NUCKS1: variants seen among roughly 807,000 people sequenced by gnomAD.
The protein encoded by NUCKS1 is nuclear casein kinase and cyclin dependent kinase substrate 1, also known as nuclear ubiquitous casein and cyclin-dependent kinase substrate 1.
In NUCKS1, 2 loss-of-function variants were observed where a neutral mutation model predicts 33.0. That is an observed-to-expected ratio of 0.06 (90% CI 0.02 to 0.19). The LOEUF is 0.19. Ranked by LOEUF, NUCKS1 falls within the 10% of genes least tolerant of loss-of-function variation. NUCKS1 has a pLI of 1.00. For synonymous variants in NUCKS1, 106 were observed against 102.8 expected (o/e 1.03, Z -0.19); for missense variants, 201 against 293.6 (o/e 0.68, Z 2.31).
rs1294224966 is a variant in NUCKS1, at chr1:205,716,705, T to C, written c.*1575A>G. On this transcript the variant is annotated 3_prime_UTR_variant, in exon 7 of 7. Transcript: ENST00000367142. ...AAAAGGCAGGAAAAAAAGGCAGAAG[T>C]TTAAATTTCACTAATTTTTCAATTT... The C allele has an allele frequency of 1.3e-5, 2 of 152,200 alleles. No homozygotes were observed. The highest frequency in any genetic ancestry group is 4.8e-5 in the African/African-American group (2 of 41,456). The allele number at this position is 152,200 out of a possible 1,614,324, so 9.4% of individuals were successfully genotyped here.
intron 1 of NUCKS1, among the ~76,000 whole-genome samples, chr1:205,741,751 A>G (rs373570347): frequency 3.9e-5 from 6 of 152,332 alleles, no homozygotes; most frequent in Admixed American, 2.6e-4. Context: ...AAAGGGATCA[A>G]TATCAGGTCT....
At chr1:205,728,995 G>T (rs1653844287) in intron 2 of NUCKS1, among the ~76,000 whole-genome samples, 1 of 151,834 alleles carries the variant, frequency 6.6e-6, no homozygotes, top group African/African-American at 2.4e-5. Context: ...TTGAGACAGG[G>T]TCTCTTTCTG....
chr1:205,726,360 AAAC>A (rs1005454391), intron 3 of NUCKS1, among the ~76,000 whole-genome samples: 6 of 152,206 alleles, frequency 3.9e-5, no homozygotes, highest in Admixed American at 2.6e-4. Flanking sequence ...TATTAAAAAC[AAAC>A]AACAACAACT....
intron 3 of NUCKS1, 82 bp from the exon 4 acceptor site, chr1:205,724,063 G>T (rs1301922791): frequency 5.0e-6 from 5 of 1,004,616 alleles, no homozygotes; most frequent in Non-Finnish European, 6.4e-6. Context: ...TTTCTGACTT[G>T]AGAAGAAGTG....
intron 3 of NUCKS1, among the ~76,000 whole-genome samples, chr1:205,726,782 T>C (rs899595923): frequency 2.4e-4 from 36 of 152,340 alleles, no homozygotes; most frequent in African/African-American, 8.2e-4. Context: ...AATTAAATGA[T>C]AGTGTACGTA....
Position 205,717,644 on chromosome 1 carries a change from C to T in NUCKS1, c.*636G>A, listed in dbSNP as rs1195083268. The T allele has an allele frequency of 2.0e-6, 2 of 984,996 alleles. No homozygotes were observed. The highest frequency in any genetic ancestry group is 2.4e-6 in the Non-Finnish European group (2 of 829,860). The allele number at this position is 984,996 out of a possible 1,614,324, so 61.0% of individuals were successfully genotyped here. On this transcript the variant is annotated 3_prime_UTR_variant, in exon 7 of 7. Transcript: ENST00000367142. ...GTAACCCCATTGCCCACCCTCCCTA[C>T]AAGGTAAAAAATGAGTACTTTTAGT...
intron 6 of NUCKS1, 27 bp downstream of exon 6, chr1:205,719,500 A>G (rs1273940081): frequency 6.4e-7 from 1 of 1,572,214 alleles, no homozygotes; most frequent in Non-Finnish European, 8.6e-7. Flanking sequence ...AAAGCAGTAA[A>G]TTTAATTTCA....
Position 205,718,321 on chromosome 1 carries a change from C to T in NUCKS1, c.691G>A (p.Asp231Asn), listed in dbSNP as rs1194487490. ...STSPPPEKSG[D>N]EGSEDEAPSG... The stretch of plus-strand genomic sequence containing the variant: ...GGGGCTTCATCTTCAGACCCTTCAT[C>T]CCCAGATTTCTCGGGTGGGGGGCTT... The change falls in exon 7 of 7, where the codon GAT becomes AAT. Residue 231 changes from aspartate (D) to asparagine (N), a missense_variant. Coordinates refer to ENST00000367142, the MANE Select transcript of NUCKS1 (RefSeq NM_022731.5). The T allele has an allele frequency of 6.2e-7, 1 of 1,613,076 alleles. No individual in the cohort carries two copies.
rs938259973 is a variant in NUCKS1, at chr1:205,718,041, G to C, written c.*239C>G. On this transcript the variant is annotated 3_prime_UTR_variant, in exon 7 of 7. Coordinates refer to ENST00000367142, the MANE Select transcript of NUCKS1 (RefSeq NM_022731.5). ...GGGAGGGCTGGCAAAGAGACCAATA[G>C]ACAAAAAGGTAACTTAAACACTTAC... 9.0e-7 allele frequency: 1 copy of C among 1,108,440 alleles called. No individual in the cohort carries two copies. Among genetic ancestry groups the C allele is most frequent in the African/African-American group, 1.9e-5 (1 of 51,344 alleles). The allele number at this position is 1,108,440 out of a possible 1,614,324, so 68.7% of individuals were successfully genotyped here. A position where few individuals can be genotyped will look rare whatever the true frequency, so the allele number is the denominator to read the frequency against.
chr1:205,722,893 G>A (rs1206545465), intron 4 of NUCKS1, among the ~76,000 whole-genome samples: 1 of 152,134 alleles, frequency 6.6e-6, no homozygotes, highest in East Asian at 1.9e-4. Context: ...ATCTCATCTA[G>A]AGACAAACAG....
intron 1 of NUCKS1, among the ~76,000 whole-genome samples, chr1:205,748,252 A>G (rs1216384146): frequency 2.0e-5 from 3 of 152,222 alleles, no homozygotes; most frequent in Admixed American, 6.5e-5. Context: ...GGCAGATGAG[A>G]TAAGAACGTC....
In NUCKS1 at chr1:205,744,446, T is replaced by C. The variant is rs118053373; in HGVS notation, c.17+5511A>G. ...GTTGCTCAGTAATTGCTAATTCTAC[T>C]AAGTGAGGAAGTGATTTTTTTTCAG... On this transcript the variant is annotated intron_variant, in intron 1 of 6. Coordinates refer to ENST00000367142, the MANE Select transcript of NUCKS1 (RefSeq NM_022731.5). Among the ~76,000 whole-genome samples the C allele has an allele frequency of 2.3e-3, 355 of 152,272 alleles. 2 individuals are homozygous for C. Among genetic ancestry groups the C allele is most frequent in the Admixed American group, 0.016 (242 of 15,282 alleles).
intron 1 of NUCKS1, chr1:205,731,318 C>T (rs1357418985): frequency 1.3e-5 from 2 of 152,292 alleles, no homozygotes; most frequent in African/African-American, 4.8e-5. Context: ...CCTGTCCTGA[C>T]TATTACAAAA....
rs114551389 is a variant in NUCKS1 at position 205,723,492 on chromosome 1, G to A, written c.229+434C>T. Among the ~76,000 whole-genome samples, 759 of 152,152 alleles carry A rather than the reference G, an allele frequency of 5.0e-3. 2 individuals are homozygous for A. The highest frequency in any genetic ancestry group is 0.015 in the African/African-American group (612 of 41,540). The stretch of plus-strand genomic sequence containing the variant: ...GCTATGTCTCCACTAAAAAGAGTGG[G>A]AATGAAACTTTCATTTGCTTTTCCA... On this transcript the variant is annotated intron_variant, in intron 4 of 6. Transcript: ENST00000367142.
At position 205,749,949 on chromosome 1, in the gene NUCKS1, G is replaced by A. The variant is rs768564920; in HGVS notation, c.17+8C>T. ...CAACCCGCTCCAGGCCTCAGACTCCGCACTGACCTGACAGGCCGCGACATG... is the reference window on the plus strand; with the variant it reads ...CAACCCGCTCCAGGCCTCAGACTCCACACTGACCTGACAGGCCGCGACATG... On this transcript the variant is annotated splice_region_variant and intron_variant, in intron 1 of 6. Coordinates refer to ENST00000367142, the MANE Select transcript of NUCKS1 (RefSeq NM_022731.5). 6.3e-6 allele frequency: 10 copies of A among 1,594,714 alleles called. No homozygotes were observed. Among genetic ancestry groups the A allele is most frequent in the Non-Finnish European group, 8.5e-6 (10 of 1,171,498 alleles).
intron 4 of NUCKS1, among the ~76,000 whole-genome samples, chr1:205,723,445 T>C (rs1460839465): frequency 2.0e-5 from 3 of 152,204 alleles, no homozygotes; most frequent in East Asian, 1.9e-4. Context: ...AAAAACTTTC[T>C]CTATGGCTAC....
chr1:205,726,240 G>C, intron 3 of NUCKS1, among the ~76,000 whole-genome samples: 1 of 152,146 alleles, frequency 6.6e-6, no homozygotes, highest in East Asian at 1.9e-4. Context: ...TTTTAGGCCA[G>C]GCATGGTGGC....
chr1:205,739,643 A>G (rs1336321109), intron 1 of NUCKS1, among the ~76,000 whole-genome samples: 2 of 151,900 alleles, frequency 1.3e-5, no homozygotes, highest in Non-Finnish European at 2.9e-5. Flanking sequence ...TTTTGTAAAG[A>G]TGGGGTTTCA....
intron 3 of NUCKS1, among the ~76,000 whole-genome samples, chr1:205,726,790 G>A (rs1247208722): frequency 2.0e-5 from 3 of 152,086 alleles, no homozygotes; most frequent in Admixed American, 6.5e-5. Flanking sequence ...GATAGTGTAC[G>A]TAAAACACAT....
Sources: allele counts gnomAD v4.1 joint callset (sites outside exome capture counted in the v4.1 genomes callset), GRCh38; gene constraint gnomAD v4.1.1; transcripts MANE v1.5; gene names NCBI Gene and HGNC (gene_info 2026-07-23, HGNC 2026-07-21).